The following LRRK1 variants were observed in gnomAD, a reference collection of about 807,000 sequenced individuals.
LRRK1 encodes leucine rich repeat kinase 1, also known as leucine-rich repeat serine/threonine-protein kinase 1.
A neutral mutation model predicts 209.1 loss-of-function variants in LRRK1; 113 were observed. That is an observed-to-expected ratio of 0.54 (90% CI 0.46 to 0.63). LRRK1 has a LOEUF of 0.63. Among genes scored for constraint, LRRK1 ranks in the 30% least tolerant of loss-of-function variants. LRRK1 has a pLI of 0.00. For missense variants in LRRK1, 2,284 were observed against 2,632.2 expected, an observed-to-expected ratio of 0.87 and a Z score of 2.89; for synonymous variants, 1,144 against 1,099.7, an observed-to-expected ratio of 1.04 and a Z score of -0.80.
chr15:100,989,275 G>A lies in LRRK1; in HGVS notation c.639G>A (p.Leu213=). The A allele has an allele frequency of 1.2e-6, 2 of 1,614,116 alleles. No individual in the cohort carries two copies. The highest frequency in any genetic ancestry group is 1.7e-6 in the Non-Finnish European group (2 of 1,179,982). Residue 213 remains leucine (L), a synonymous_variant, in exon 6 of 34, where the codon CTG becomes CTA. Transcript: ENST00000388948. ...KSGNEDIAIF[L]LRHGAYFCSY... is the part of the protein sequence containing the mutation. ...GGAATGAAGACATTGCAATATTCCT[G>A]CTTCGGCATGGGGCCTATTTCTGTT... is the stretch of plus-strand genomic sequence containing the variant.
At chr15:100,952,209 G>A (rs2042669493) in intron 2 of LRRK1, among the ~76,000 whole-genome samples, 1 of 152,122 alleles carries the variant, frequency 6.6e-6, no homozygotes, top group Non-Finnish European at 1.5e-5. Flanking sequence ...TATATTTGCA[G>A]GGTGGTACAA....
chr15:100,933,613 G>C (rs1467145542), intron 2 of LRRK1, among the ~76,000 whole-genome samples: 1 of 151,926 alleles, frequency 6.6e-6, no homozygotes, highest in East Asian at 1.9e-4. Flanking sequence ...CTTGAAGTCA[G>C]GAGTTCCAGA....
intron 2 of LRRK1, among the ~76,000 whole-genome samples, chr15:100,942,570 G>A (rs538855320): frequency 1.2e-4 from 18 of 152,282 alleles, no homozygotes; most frequent in African/African-American, 2.2e-4. Flanking sequence ...GTGTGTACAC[G>A]AAAGTGTGAT....
chr15:100,961,855 TC>T (rs1223560283), intron 2 of LRRK1, among the ~76,000 whole-genome samples: 2 of 152,090 alleles, frequency 1.3e-5, no homozygotes, highest in African/African-American at 4.8e-5. Context: ...TGGGAGGAAG[TC>T]AAATGCACGC....
intron 27 of LRRK1, among the ~76,000 whole-genome samples, chr15:101,056,611 A>G (rs944806824): frequency 1.3e-5 from 2 of 152,098 alleles, no homozygotes; most frequent in Non-Finnish European, 2.9e-5. Context: ...AGACAAGCAA[A>G]TGGATGGATG....
At chr15:100,923,812 C>G (rs2042060830) in intron 1 of LRRK1, among the ~76,000 whole-genome samples, 1 of 152,168 alleles carries the variant, frequency 6.6e-6, no homozygotes, top group Non-Finnish European at 1.5e-5. Flanking sequence ...CATCATTGAC[C>G]TCTACCCATT....
Position 101,065,862 on chromosome 15 carries a change from G to A in LRRK1, c.5425G>A (p.Glu1809Lys). 1.2e-6 allele frequency: 2 copies of A among 1,614,144 alleles called. No individual in the cohort carries two copies. Among genetic ancestry groups the A allele is most frequent in the South Asian group, 1.1e-5 (1 of 91,080 alleles). ...CCACACGGCCAACCCAAAGGTGCCT[G>A]AGGGGGACTCCATCGCGGACGTGAG... ...ASHTANPKVP[E>K]GDSIADVSIM... Residue 1809 changes from glutamate (E) to lysine (K), a missense_variant, in exon 32 of 34, where the codon GAG becomes AAG. Transcript: ENST00000388948.
In LRRK1 at chr15:101,022,256, C is replaced by T; in HGVS notation, c.1853-127C>T. ...TGTCATGCCTTCCCTCCCCCTGATCCAGTAGTCTTCCTTAACTGTCCCCAC... is the reference window on the plus strand; with the variant it reads ...TGTCATGCCTTCCCTCCCCCTGATCTAGTAGTCTTCCTTAACTGTCCCCAC... On this transcript the variant is annotated intron_variant, in intron 14 of 33. Coordinates refer to ENST00000388948, the MANE Select transcript of LRRK1 (RefSeq NM_024652.6). This position sits in a 1 kb window ranked among gnomAD's most constrained non-coding sequence, Gnocchi z 4.0. The T allele has an allele frequency of 1.1e-6, 1 of 922,882 alleles. No individual in the cohort carries two copies. Among genetic ancestry groups the T allele is most frequent in the South Asian group, 1.5e-5 (1 of 65,062 alleles). The allele number at this position is 922,882 out of a possible 1,614,324, so 57.2% of individuals were successfully genotyped here. A position where few individuals can be genotyped will look rare whatever the true frequency, so the allele number is the denominator to read the frequency against.
At position 101,074,309 on chromosome 15, in the gene LRRK1, G is replaced by C. The variant is rs543178660; in HGVS notation, c.*5461G>C. On this transcript the variant is annotated 3_prime_UTR_variant, in exon 34 of 34. Transcript: ENST00000388948. ...TTATCACCTCCCCTCCTCACACCCG[G>C]TCCGGCTTACAGTTTCCTTCCGTGA... 2 of 151,384 alleles carry C rather than the reference G, an allele frequency of 1.3e-5. No homozygotes were observed. Among genetic ancestry groups the C allele is most frequent in the Admixed American group, 6.6e-5 (1 of 15,244 alleles). The allele number at this position is 151,384 out of a possible 1,614,324, so 9.4% of individuals were successfully genotyped here.
At chr15:100,990,760 T>C (rs2032120283) in intron 6 of LRRK1, among the ~76,000 whole-genome samples, 1 of 151,562 alleles carries the variant, frequency 6.6e-6, no homozygotes. Context: ...TAAGACTTTA[T>C]CATAAATGTT....
intron 33 of LRRK1, among the ~76,000 whole-genome samples, chr15:101,067,969 C>T (rs943075687): frequency 1.1e-4 from 16 of 152,178 alleles, no homozygotes; most frequent in African/African-American, 3.6e-4. Flanking sequence ...CAAGGCCACG[C>T]GGAGTGAGAG....
chr15:101,022,949 C>T lies in LRRK1; in HGVS notation c.2067+352C>T, dbSNP rs187581801. 6.6e-5 allele frequency among the ~76,000 whole-genome samples: 10 copies of T among 152,082 alleles called. No homozygotes were observed. The highest frequency in any genetic ancestry group is 2.2e-4 in the African/African-American group (9 of 41,444). ...TACTTGAGGCTCTGGGACAGTGGTT[C>T]TTAACCCCGGCTGTCTGTTAGATTC... is the stretch of plus-strand genomic sequence containing the variant. On this transcript the variant is annotated intron_variant, in intron 15 of 33. Transcript: ENST00000388948. The surrounding 1 kb of genome is among the most constrained non-coding windows in gnomAD (Gnocchi z 4.0).
intron 2 of LRRK1, among the ~76,000 whole-genome samples, chr15:100,948,864 C>T (rs577087702): frequency 6.6e-6 from 1 of 152,252 alleles, no homozygotes; most frequent in South Asian, 2.1e-4. Flanking sequence ...TTAAGGGATA[C>T]AGCTAAAGCA....
chr15:101,033,153 C>T (rs746983927), intron 20 of LRRK1, among the ~76,000 whole-genome samples: 3 of 152,104 alleles, frequency 2.0e-5, no homozygotes, highest in Non-Finnish European at 2.9e-5. Context: ...TTTATCAATA[C>T]ATAATATTTT....
intron 7 of LRRK1, 135 bp downstream of exon 7, chr15:101,009,198 T>TCAGGGTAGGCAAA: frequency 1.4e-6 from 1 of 701,132 alleles, no homozygotes; most frequent in Non-Finnish European, 2.4e-6. Context: ...GAGTTTTGCC[T>TCAGGGTAGGCAAA]ACCCTGAGGC....
rs570692290 is a variant in LRRK1 at position 101,041,635 on chromosome 15, C to T, written c.2964-4346C>T. ...TGAATTAAATGCAAAAACCTTAGCA[C>T]GATACCAGGACATTACTCCTCCCAG... On this transcript the variant is annotated intron_variant, in intron 20 of 33. Transcript: ENST00000388948. 5.8e-4 allele frequency among the ~76,000 whole-genome samples: 88 copies of T among 152,248 alleles called. 1 individual carries two copies. Among genetic ancestry groups the T allele is most frequent in the African/African-American group, 2.0e-3 (84 of 41,544 alleles).
chr15:101,013,008 CCAA>C (rs1258628048), intron 10 of LRRK1, among the ~76,000 whole-genome samples: 2 of 152,218 alleles, frequency 1.3e-5, no homozygotes, highest in African/African-American at 2.4e-5. Context: ...GTATTTCACA[CCAA>C]CAACTAGCAG....
At chr15:100,962,478 T>C (rs1364210604) in intron 2 of LRRK1, among the ~76,000 whole-genome samples, 1 of 151,958 alleles carries the variant, frequency 6.6e-6, no homozygotes, top group Non-Finnish European at 1.5e-5. Context: ...TGTAGTGAGC[T>C]GAGATCACAG....
chr15:100,943,216 G>A (rs1234519251), intron 2 of LRRK1, among the ~76,000 whole-genome samples: 1 of 152,168 alleles, frequency 6.6e-6, no homozygotes, highest in East Asian at 1.9e-4. Context: ...CCAAGGGGGT[G>A]TAACAGCTTG....
Sources: allele counts gnomAD v4.1 joint callset (sites outside exome capture counted in the v4.1 genomes callset), GRCh38; gene constraint gnomAD v4.1.1; non-coding constraint Gnocchi (gnomAD v3.1); transcripts MANE v1.5; gene names NCBI Gene and HGNC (gene_info 2026-07-23, HGNC 2026-07-21).